Variants in RBMS3 observed in about 807,000 individuals in gnomAD.
The protein encoded by RBMS3 is RNA binding motif single stranded interacting protein 3.
In RBMS3, 27 loss-of-function variants were observed where a neutral mutation model predicts 66.8. The ratio of observed to expected loss-of-function variants is 0.40; its 90% CI spans 0.30 to 0.56. RBMS3 has a LOEUF of 0.56. RBMS3 is among the 20% of genes least tolerant of loss of function. RBMS3 has a pLI of 0.40. For missense variants in RBMS3, 513 were observed against 549.5 expected, an observed-to-expected ratio of 0.93 and a Z score of 0.66; for synonymous variants, 188 against 183.0, an observed-to-expected ratio of 1.03 and a Z score of -0.22.
chr3:29,663,631 T>C (rs181413427), intron 4 of RBMS3, among the ~76,000 whole-genome samples: 23 of 152,348 alleles, frequency 1.5e-4, no homozygotes, highest in African/African-American at 5.5e-4. Context: ...GCTATAATTA[T>C]ACCAGTGGCC....
chr3:29,361,258 C>T (rs2037566170), intron 1 of RBMS3, among the ~76,000 whole-genome samples: 1 of 152,008 alleles, frequency 6.6e-6, no homozygotes, highest in Non-Finnish European at 1.5e-5. Flanking sequence ...GACAAAATCT[C>T]TCAGCATTTG....
At chr3:29,841,850 A>G (rs926937849) in intron 6 of RBMS3, among the ~76,000 whole-genome samples, 1 of 152,060 alleles carries the variant, frequency 6.6e-6, no homozygotes, top group Non-Finnish European at 1.5e-5. Flanking sequence ...AATTTGTTCT[A>G]CTTTCATAAG....
chr3:29,863,688 C>T (rs1559748777), intron 6 of RBMS3, among the ~76,000 whole-genome samples: 2 of 152,080 alleles, frequency 1.3e-5, no homozygotes, highest in Admixed American at 6.5e-5. Context: ...AAATCTCACC[C>T]TATGACTTTT....
Position 30,006,402 on chromosome 3 carries a change from A to T in RBMS3, c.*2540A>T, listed in dbSNP as rs1699802803. The T allele has an allele frequency of 6.6e-6, 1 of 151,868 alleles. No individual in the cohort carries two copies. The highest frequency in any genetic ancestry group is 2.4e-5 in the African/African-American group (1 of 41,422). 9.4% of individuals were successfully genotyped at this position (151,868 alleles called of 1,614,324 possible). A position where few individuals can be genotyped will look rare whatever the true frequency, so the allele number is the denominator to read the frequency against. On this transcript the variant is annotated 3_prime_UTR_variant, in exon 15 of 15. Transcript: ENST00000383767. ...TATTTATGGTCACATTGGAGACAAA[A>T]GTGTATCCAAGAAAATGTAGTGTGC...
intron 4 of RBMS3, among the ~76,000 whole-genome samples, chr3:29,593,488 C>A (rs533889159): frequency 2.0e-5 from 3 of 151,906 alleles, no homozygotes; most frequent in South Asian, 2.1e-4. Flanking sequence ...CTTGAGCAGG[C>A]GATTCGAGAG....
chr3:29,450,933 C>CACACA (rs1559371669), intron 2 of RBMS3, among the ~76,000 whole-genome samples: 12 of 104,292 alleles, frequency 1.2e-4, no homozygotes, highest in African/African-American at 2.4e-4. Context: ...ACACACACAC[C>CACACA]CCCCACACAC....
At chr3:29,896,943 C>T (rs1577090952) in intron 8 of RBMS3, among the ~76,000 whole-genome samples, 1 of 151,642 alleles carries the variant, frequency 6.6e-6, no homozygotes, top group African/African-American at 2.4e-5. Flanking sequence ...GGACCTATGC[C>T]TAACACAAAA....
At chr3:29,846,801 C>T (rs931488464) in intron 6 of RBMS3, among the ~76,000 whole-genome samples, 3 of 152,072 alleles carry the variant, frequency 2.0e-5, no homozygotes, top group East Asian at 1.9e-4. Context: ...ATTCATCCAA[C>T]GCCCAAATGA....
At chr3:29,356,713 A>C (rs2125570096) in intron 1 of RBMS3, among the ~76,000 whole-genome samples, 1 of 152,298 alleles carries the variant, frequency 6.6e-6, no homozygotes, top group East Asian at 1.9e-4. Context: ...CATGCTAAAT[A>C]ATATTTACTG....
chr3:29,405,290 G>A (rs1055261935), intron 1 of RBMS3, among the ~76,000 whole-genome samples: 4 of 152,082 alleles, frequency 2.6e-5, no homozygotes, highest in East Asian at 1.9e-4. Flanking sequence ...CCATGTTTAC[G>A]CTTTTGAATG....
intron 1 of RBMS3, among the ~76,000 whole-genome samples, chr3:29,422,926 A>C (rs2040809290): frequency 6.6e-6 from 1 of 152,224 alleles, no homozygotes; most frequent in South Asian, 2.1e-4. Flanking sequence ...GTTCACATTT[A>C]ATTTTGCTAC....
chr3:29,563,154 A>G (rs547039455), intron 3 of RBMS3, among the ~76,000 whole-genome samples: 7 of 152,202 alleles, frequency 4.6e-5, no homozygotes, highest in African/African-American at 1.7e-4. Flanking sequence ...GCCTTTTCCC[A>G]GTCATAATCT....
At chr3:29,294,852 A>G (rs1348645474) in intron 1 of RBMS3, among the ~76,000 whole-genome samples, 1 of 151,702 alleles carries the variant, frequency 6.6e-6, no homozygotes, top group Non-Finnish European at 1.5e-5. Flanking sequence ...CCAATTTTGG[A>G]CTATAGTCCA....
chr3:29,322,444 A>T (rs2125493928), intron 1 of RBMS3, among the ~76,000 whole-genome samples: 1 of 152,260 alleles, frequency 6.6e-6, no homozygotes. Flanking sequence ...AATCCTCCAC[A>T]TGCTGTAGAC....
chr3:29,983,515 G>A (rs924564675), intron 12 of RBMS3, among the ~76,000 whole-genome samples: 1 of 151,964 alleles, frequency 6.6e-6, no homozygotes, highest in Non-Finnish European at 1.5e-5. Flanking sequence ...AGTGTCCATG[G>A]TCTTTACAAT....
At chr3:29,646,055 C>T (rs956580345) in intron 4 of RBMS3, among the ~76,000 whole-genome samples, 3 of 152,178 alleles carry the variant, frequency 2.0e-5, no homozygotes, top group African/African-American at 7.2e-5. Flanking sequence ...CTTCGATGTT[C>T]CCTTTAATCT....
intron 8 of RBMS3, among the ~76,000 whole-genome samples, chr3:29,893,559 A>G (rs1326413621): frequency 6.6e-6 from 1 of 151,514 alleles, no homozygotes; most frequent in African/African-American, 2.4e-5. Flanking sequence ...CTGTTTATTG[A>G]GTGGCCTTGG....
chr3:29,894,315 C>T (rs1440975629), intron 8 of RBMS3, among the ~76,000 whole-genome samples: 1 of 151,376 alleles, frequency 6.6e-6, no homozygotes, highest in African/African-American at 2.4e-5. Flanking sequence ...ATCTCCTGGA[C>T]TTAAATGATC....
intron 4 of RBMS3, among the ~76,000 whole-genome samples, chr3:29,735,108 T>C (rs1290913993): frequency 6.6e-6 from 1 of 152,160 alleles, no homozygotes; most frequent in African/African-American, 2.4e-5. Flanking sequence ...ATAATGCATA[T>C]TCAAAAACCC....
Sources: gnomAD v4.1 joint callset for allele counts (sites outside exome capture counted in the v4.1 genomes callset) on GRCh38, gnomAD v4.1.1 for gene constraint, MANE v1.5 for transcripts, NCBI Gene and HGNC (gene_info 2026-07-23, HGNC 2026-07-21) for gene names.